CD44: variants seen among roughly 807,000 people sequenced by gnomAD.
The protein encoded by CD44 is CD44 antigen.
A neutral mutation model predicts 88.8 loss-of-function variants in CD44; 49 were observed. The ratio of observed to expected loss-of-function variants is 0.55; its 90% CI spans 0.44 to 0.70. The LOEUF is 0.70. Ranked by LOEUF, CD44 falls within the 30% of genes least tolerant of loss-of-function variation. CD44 has a pLI of 0.00. For synonymous variants in CD44, 325 were observed against 312.3 expected, an observed-to-expected ratio of 1.04 and a Z score of -0.43; for missense variants, 883 against 913.8, an observed-to-expected ratio of 0.97 and a Z score of 0.43.
intron 14 of CD44, chr11:35,213,980 A>G (rs1412536225): frequency 6.7e-6 from 1 of 149,964 alleles, no homozygotes; most frequent in African/African-American, 2.4e-5. Context: ...CATTTTATGT[A>G]AGCATTGTCC....
At position 35,175,709 on chromosome 11, in the gene CD44, T is replaced by G. The variant is rs1377973102; in HGVS notation, c.68-866T>G. ...ATCATTTGCTTTTTAAAAACTTTGT[T>G]GCAGAGCAATCAATGGAGAGAATGT... On this transcript the variant is annotated intron_variant, in intron 1 of 17. Coordinates refer to ENST00000428726, the MANE Select transcript of CD44 (RefSeq NM_000610.4). Among the ~76,000 whole-genome samples the G allele has an allele frequency of 2.6e-5, 4 of 152,340 alleles. No individual in the cohort carries two copies. In the Middle Eastern group the frequency reaches 0.01, roughly 389 times the overall value.
rs536551357 is a variant in CD44 at position 35,158,304 on chromosome 11, T to G, written c.68-18271T>G. 8.5e-5 allele frequency among the ~76,000 whole-genome samples: 13 copies of G among 152,304 alleles called. No homozygotes were observed. In the South Asian group the frequency reaches 2.7e-3, roughly 32 times the overall value. ...CCCACATAATTGAGTCTCTGGGCTGTCAAGGACGCATTGGGGAGTTTGCTT... is the reference window on the plus strand; with the variant it reads ...CCCACATAATTGAGTCTCTGGGCTGGCAAGGACGCATTGGGGAGTTTGCTT... On this transcript the variant is annotated intron_variant, in intron 1 of 17. Coordinates refer to ENST00000428726, the MANE Select transcript of CD44 (RefSeq NM_000610.4).
In CD44 at chr11:35,198,230, T is replaced by C; in HGVS notation, c.906T>C (p.Asp302=). ...GATCAGGCATTGATGATGATGAAGA[T>C]TTTATCTCCAGCACCAGTAAGAATA... The part of the protein sequence containing the change: ...FSGSGIDDDE[D]FISSTISTTP... The change falls in exon 7 of 18, where the codon GAT becomes GAC. Residue 302 remains aspartate, a synonymous_variant. Transcript: ENST00000428726. 6.2e-7 allele frequency: 1 copy of C among 1,613,966 alleles called. No homozygotes were observed. Among genetic ancestry groups the C allele is most frequent in the Non-Finnish European group, 8.5e-7 (1 of 1,179,846 alleles).
intron 10 of CD44, 148 bp from the exon 11 acceptor site, chr11:35,205,964 G>T: frequency 7.8e-7 from 1 of 1,285,984 alleles, no homozygotes. Flanking sequence ...AACATTCTGC[G>T]TTTATGCAAC....
At chr11:35,158,013 A>T (rs988536166) in intron 1 of CD44, among the ~76,000 whole-genome samples, 1 of 152,194 alleles carries the variant, frequency 6.6e-6, no homozygotes, top group Non-Finnish European at 1.5e-5. Flanking sequence ...TGATATAGGA[A>T]AGGAGCCCGA....
chr11:35,197,408 G>A (rs1385815198), intron 6 of CD44: 2 of 152,112 alleles, frequency 1.3e-5, no homozygotes, highest in African/African-American at 2.4e-5. Context: ...CTGAGAAGAA[G>A]TGGAAGTTTT....
rs528910970 is a variant in CD44, at chr11:35,155,922, G to T, written c.67+16552G>T. 1.8e-3 allele frequency among the ~76,000 whole-genome samples: 272 copies of T among 152,260 alleles called. 1 individual carries two copies. The highest frequency in any genetic ancestry group is 6.3e-3 in the African/African-American group (261 of 41,562). ...AAGCAGCCCTCATATTAACATCGTG[G>T]TTGGCATTACTGGCCTCCTGTATGG... On this transcript the variant is annotated intron_variant, in intron 1 of 17. Transcript: ENST00000428726.
rs529030568 is a variant in CD44 at position 35,139,345 on chromosome 11, C to T, written c.42C>T (p.Leu14=). ...GGCACGCAGCCTGGGGACTCTGCCT[C>T]GTGCCGCTGAGCCTGGCGCAGATCG... is the stretch of plus-strand genomic sequence containing the variant. ...FWWHAAWGLC[L]VPLSLAQIDL... The change falls in exon 1 of 18, where the codon CTC becomes CTT. Residue 14 remains leucine, a synonymous_variant. Coordinates refer to ENST00000428726, the MANE Select transcript of CD44 (RefSeq NM_000610.4). 6 of 1,561,674 alleles carry T rather than the reference C, an allele frequency of 3.8e-6. No individual in the cohort carries two copies. The South Asian group carries it at 5.9e-5, about 15-fold the overall frequency.
chr11:35,189,696 G>T (rs1946076545), intron 4 of CD44, 139 bp from the exon 5 acceptor site: 1 of 657,484 alleles, frequency 1.5e-6, no homozygotes, highest in South Asian at 1.8e-5. Context: ...TAGTGCATCT[G>T]CCACTCTCTC....
chr11:35,191,753 A>G (rs1946292474), intron 5 of CD44, among the ~76,000 whole-genome samples: 1 of 152,210 alleles, frequency 6.6e-6, no homozygotes. Flanking sequence ...ATAGTATTTC[A>G]TGTGTGTTTT....
At chr11:35,228,905 T>A (rs1949905914) in intron 17 of CD44, among the ~76,000 whole-genome samples, 1 of 152,228 alleles carries the variant, frequency 6.6e-6, no homozygotes. Flanking sequence ...CTTTTGCTGC[T>A]GGTCCAGGGA....
chr11:35,226,497 C>T (rs1247008006), intron 17 of CD44, among the ~76,000 whole-genome samples: 2 of 152,284 alleles, frequency 1.3e-5, no homozygotes, highest in African/African-American at 4.8e-5. Context: ...TAGGTGGAGG[C>T]AGCCAGGAGA....
At chr11:35,150,612 A>C (rs1418675578) in intron 1 of CD44, among the ~76,000 whole-genome samples, 2 of 152,206 alleles carry the variant, frequency 1.3e-5, no homozygotes, top group Non-Finnish European at 2.9e-5. Flanking sequence ...CTGACTTTAT[A>C]CCCATCTGGA....
At chr11:35,152,322 T>A (rs1259579914) in intron 1 of CD44, among the ~76,000 whole-genome samples, 3 of 152,200 alleles carry the variant, frequency 2.0e-5, no homozygotes, top group South Asian at 2.1e-4. Flanking sequence ...GCTAGCTACC[T>A]GGGCAGGTAA....
chr11:35,167,772 T>A (rs1452289896), intron 1 of CD44, among the ~76,000 whole-genome samples: 1 of 152,170 alleles, frequency 6.6e-6, no homozygotes, highest in Admixed American at 6.5e-5. Flanking sequence ...AGACATCTCG[T>A]AATGTCACAA....
intron 14 of CD44, among the ~76,000 whole-genome samples, chr11:35,212,115 C>CT (rs896494916): frequency 9.9e-5 from 15 of 150,910 alleles, no homozygotes; most frequent in African/African-American, 2.7e-4. Flanking sequence ...TAGAATAAGT[C>CT]TTTTTTTTTC....
intron 4 of CD44, 144 bp from the exon 5 acceptor site, chr11:35,189,691 C>T (rs1946075776): frequency 1.5e-6 from 1 of 649,694 alleles, no homozygotes; most frequent in South Asian, 1.8e-5. Context: ...TTTCTTAGTG[C>T]ATCTGCCACT....
At chr11:35,179,395 T>A (rs753423390) in intron 2 of CD44, among the ~76,000 whole-genome samples, 3 of 152,194 alleles carry the variant, frequency 2.0e-5, no homozygotes, top group Non-Finnish European at 4.4e-5. Flanking sequence ...AAAAATTGTG[T>A]TTTTAGCACA....
At chr11:35,228,707 T>C (rs1949887380) in intron 17 of CD44, among the ~76,000 whole-genome samples, 1 of 152,182 alleles carries the variant, frequency 6.6e-6, no homozygotes, top group Admixed American at 6.5e-5. Context: ...AATATAATAA[T>C]AACACCGGCT....
Sources: gnomAD v4.1 joint callset for allele counts (sites outside exome capture counted in the v4.1 genomes callset) on GRCh38, gnomAD v4.1.1 for gene constraint, MANE v1.5 for transcripts, NCBI Gene and HGNC (gene_info 2026-07-23, HGNC 2026-07-21) for gene names.